DLGAP2: variants seen among roughly 807,000 people sequenced by gnomAD.
The protein encoded by DLGAP2 is disks large-associated protein 2.
DLGAP2 carries 26 observed loss-of-function variants against 100.3 expected under a neutral mutation model. That is an observed-to-expected ratio of 0.26 (90% CI 0.19 to 0.36). The LOEUF (loss-of-function observed/expected upper bound fraction) is 0.36, where lower values mean the gene tolerates loss of function less well. DLGAP2 is among the 10% of genes least tolerant of loss of function. The pLI is 1.00. For missense variants in DLGAP2, 1,858 were observed against 1,453.2 expected, an observed-to-expected ratio of 1.28 and a Z score of -4.53; for synonymous variants, 886 against 630.1, an observed-to-expected ratio of 1.41 and a Z score of -6.08.
At position 1,473,071 on chromosome 8, in the gene DLGAP2, C is replaced by A. The variant is rs182335113; in HGVS notation, c.107-28295C>A. Among the ~76,000 whole-genome samples, 889 of 152,228 alleles carry A rather than the reference C, an allele frequency of 5.8e-3. 9 individuals carry two copies. Among genetic ancestry groups the A allele is most frequent in the African/African-American group, 0.02 (844 of 41,538 alleles). ...TCAGTCTCCCAGGCAGCTGGGATTA[C>A]AGGCACCTGCCACCACACCTGGCTA... On this transcript the variant is annotated intron_variant, in intron 3 of 14. Transcript: ENST00000637795.
chr8:1,206,958 C>T (rs776558520), intron 2 of DLGAP2, among the ~76,000 whole-genome samples: 31 of 152,282 alleles, frequency 2.0e-4, no homozygotes, highest in East Asian at 1.2e-3. Context: ...GAGTGGACAC[C>T]GTCTCGGTGA....
At chr8:1,159,479 G>A (rs1030919911) in intron 2 of DLGAP2, among the ~76,000 whole-genome samples, 2 of 152,182 alleles carry the variant, frequency 1.3e-5, no homozygotes, top group South Asian at 2.1e-4. Context: ...AGTTCCTTAC[G>A]TATGGAGCAT....
intron 3 of DLGAP2, among the ~76,000 whole-genome samples, chr8:1,386,851 T>C (rs1025865230): frequency 2.0e-5 from 3 of 152,154 alleles, no homozygotes; most frequent in African/African-American, 7.2e-5. Context: ...ATGCTATGAC[T>C]ATGTTGAGAG....
chr8:1,250,581 C>G (rs1196648963), intron 2 of DLGAP2: 1 of 152,190 alleles, frequency 6.6e-6, no homozygotes, highest in Non-Finnish European at 1.5e-5. Context: ...AGGTAATTAT[C>G]TCGGTCCAGA....
chr8:1,636,439 A>C (rs943035933), intron 8 of DLGAP2, among the ~76,000 whole-genome samples: 3 of 152,238 alleles, frequency 2.0e-5, no homozygotes, highest in Non-Finnish European at 4.4e-5. Flanking sequence ...CATACTTGCC[A>C]ACATAGAGGA....
At chr8:1,086,043 T>C (rs993856557) in intron 2 of DLGAP2, among the ~76,000 whole-genome samples, 2 of 152,220 alleles carry the variant, frequency 1.3e-5, no homozygotes, top group Non-Finnish European at 2.9e-5. Flanking sequence ...ATGGGATTGT[T>C]CTCTTGATTT....
At chr8:894,307 G>A (rs1046983608) in intron 1 of DLGAP2, among the ~76,000 whole-genome samples, 2 of 152,182 alleles carry the variant, frequency 1.3e-5, no homozygotes, top group African/African-American at 4.8e-5. Flanking sequence ...GTGTTACAGA[G>A]ACTGGTGTGA....
At chr8:1,690,365 A>C (rs1004627951) in intron 12 of DLGAP2, among the ~76,000 whole-genome samples, 5 of 151,714 alleles carry the variant, frequency 3.3e-5, no homozygotes, top group African/African-American at 1.2e-4. Flanking sequence ...CAAGAAAATA[A>C]ATAAATAAAA....
chr8:1,579,887 C>G (rs1164579318), intron 6 of DLGAP2, among the ~76,000 whole-genome samples: 2 of 152,196 alleles, frequency 1.3e-5, no homozygotes, highest in Non-Finnish European at 2.9e-5. Context: ...TGCTACCACC[C>G]TCAGCAAAAG....
chr8:1,699,241 G>A (rs1799501365), intron 14 of DLGAP2, among the ~76,000 whole-genome samples: 1 of 152,184 alleles, frequency 6.6e-6, no homozygotes, highest in Non-Finnish European at 1.5e-5. Context: ...GGAGGCCAAG[G>A]TGGGTGGATC....
chr8:944,347 T>C (rs1296641137), intron 2 of DLGAP2, among the ~76,000 whole-genome samples: 1 of 151,578 alleles, frequency 6.6e-6, no homozygotes, highest in Non-Finnish European at 1.5e-5. Context: ...CAGTGGGTGA[T>C]AACTAATCCC....
chr8:1,204,228 T>C (rs894505039), intron 2 of DLGAP2, among the ~76,000 whole-genome samples: 14 of 152,236 alleles, frequency 9.2e-5, no homozygotes, highest in Non-Finnish European at 1.6e-4. Context: ...TCCTACTGTG[T>C]GCCCTGCGCT....
At chr8:1,155,126 T>C (rs990556618) in intron 2 of DLGAP2, among the ~76,000 whole-genome samples, 2 of 152,330 alleles carry the variant, frequency 1.3e-5, no homozygotes, top group South Asian at 4.1e-4. Flanking sequence ...TCCCGTCCCC[T>C]GGGTATCCCT....
intron 1 of DLGAP2, among the ~76,000 whole-genome samples, chr8:868,007 C>T (rs1234030410): frequency 6.6e-6 from 1 of 152,198 alleles, no homozygotes; most frequent in Admixed American, 6.5e-5. Flanking sequence ...GCAATGGCTT[C>T]ATCCATCATG....
chr8:1,524,521 G>A (rs898201570), intron 4 of DLGAP2, among the ~76,000 whole-genome samples: 1 of 152,128 alleles, frequency 6.6e-6, no homozygotes, highest in Non-Finnish European at 1.5e-5. Flanking sequence ...TCAAGACCAA[G>A]GTATGGCAGA....
At chr8:1,259,377 G>C (rs779538903) in intron 3 of DLGAP2, among the ~76,000 whole-genome samples, 1 of 152,166 alleles carries the variant, frequency 6.6e-6, no homozygotes, top group Non-Finnish European at 1.5e-5. Context: ...TAAAACACGC[G>C]GCAAAGTAGG....
chr8:1,660,935 A>G (rs1171661015), intron 8 of DLGAP2, among the ~76,000 whole-genome samples: 1 of 152,160 alleles, frequency 6.6e-6, no homozygotes, highest in Non-Finnish European at 1.5e-5. Flanking sequence ...GTGATTCCGT[A>G]GCTAATACCG....
chr8:1,228,703 A>G (rs1798473380), intron 2 of DLGAP2, among the ~76,000 whole-genome samples: 1 of 152,252 alleles, frequency 6.6e-6, no homozygotes, highest in Non-Finnish European at 1.5e-5. Context: ...TCAACTCAAT[A>G]GGTGCAGAAG....
chr8:742,654 C>G (rs1207376601), intron 1 of DLGAP2, among the ~76,000 whole-genome samples: 1 of 152,098 alleles, frequency 6.6e-6, no homozygotes, highest in South Asian at 2.1e-4. Context: ...TGTATGTCAC[C>G]GCACCCAACT....
Sources: gnomAD v4.1 joint callset for allele counts (sites outside exome capture counted in the v4.1 genomes callset) on GRCh38, gnomAD v4.1.1 for gene constraint, MANE v1.5 for transcripts, NCBI Gene and HGNC (gene_info 2026-07-23, HGNC 2026-07-21) for gene names.